The following DMBX1 variants were observed in gnomAD, a reference collection of about 807,000 sequenced individuals.
DMBX1 encodes the protein diencephalon/mesencephalon homeobox protein 1.
DMBX1 carries 7 observed loss-of-function variants against 30.4 expected under a neutral mutation model. The ratio of observed to expected loss-of-function variants is 0.23; its 90% CI spans 0.13 to 0.43. DMBX1 has a LOEUF of 0.43. Among genes scored for constraint, DMBX1 ranks in the 20% least tolerant of loss-of-function variants. The pLI is 1.00. For synonymous variants in DMBX1, 222 were observed against 214.2 expected (o/e 1.04, Z -0.32); for missense variants, 460 against 508.5 (o/e 0.90, Z 0.92).
At chr1:46,509,839 C>T (rs998788863) in intron 3 of DMBX1, among the ~76,000 whole-genome samples, 1 of 152,182 alleles carries the variant, frequency 6.6e-6, no homozygotes, top group Non-Finnish European at 1.5e-5. Context: ...ACCCCTTAGC[C>T]AGGCTCTCTG....
rs55929143 is a variant in DMBX1, at chr1:46,505,493, C to G, written c.-12-1506C>G. Among the ~76,000 whole-genome samples, 5 of 141,390 alleles carry G rather than the reference C, an allele frequency of 3.5e-5. No individual in the cohort carries two copies. In the South Asian group the frequency reaches 9.7e-4, roughly 27 times the overall value. The allele number at this position is 141,390 out of a possible 152,430, so 92.8% of individuals were successfully genotyped here. On this transcript the variant is annotated intron_variant, in intron 2 of 5. Transcript: ENST00000360032. ...GAAATCATCATTCTCAGTAAACTAT[C>G]GCAAGAACAAAAAACCAAACACCGC...
chr1:46,501,724 G>A (rs1270364713), intron 2 of DMBX1, among the ~76,000 whole-genome samples: 1 of 151,966 alleles, frequency 6.6e-6, no homozygotes, highest in African/African-American at 2.4e-5. Flanking sequence ...TTGCTATGTT[G>A]CCCAGGCTGA....
intron 2 of DMBX1, among the ~76,000 whole-genome samples, chr1:46,506,457 A>C (rs1666237446): frequency 6.6e-6 from 1 of 152,234 alleles, no homozygotes; most frequent in Non-Finnish European, 1.5e-5. Flanking sequence ...ATAAGTAATA[A>C]GTGTGTGAGT....
chr1:46,503,025 G>A (rs904207031), intron 2 of DMBX1, among the ~76,000 whole-genome samples: 2 of 152,322 alleles, frequency 1.3e-5, no homozygotes, highest in Admixed American at 6.5e-5. Flanking sequence ...GATTACAATG[G>A]GCCGTGGAGC....
In DMBX1 at chr1:46,491,468, C is replaced by T. The variant is rs1665927628; in HGVS notation, c.-13+685C>T. On this transcript the variant is annotated intron_variant, in intron 2 of 5. Coordinates refer to ENST00000360032, the MANE Select transcript of DMBX1 (RefSeq NM_172225.2). This position sits in a 1 kb window ranked among gnomAD's most constrained non-coding sequence, Gnocchi z 5.5. ...TGCGCCGATATTGGTTTACTAAGGG[C>T]GCCTCCAGTTTGAGGGCGTTGGGGA... Among the ~76,000 whole-genome samples, 1 of 152,172 alleles carries T rather than the reference C, an allele frequency of 6.6e-6. No individual in the cohort carries two copies. The highest frequency in any genetic ancestry group is 2.4e-5 in the African/African-American group (1 of 41,422).
chr1:46,511,879 G>T (rs1666379617), intron 5 of DMBX1, among the ~76,000 whole-genome samples, 164 bp from the exon 6 acceptor site: 1 of 152,192 alleles, frequency 6.6e-6, no homozygotes, highest in Non-Finnish European at 1.5e-5. Context: ...CTAGGATTCT[G>T]AGCCTTGCTT....
Position 46,507,167 on chromosome 1 carries a change from A to G in DMBX1, c.154+3A>G. ...TACATTGGCTGAGCGCCTGGCTGGT[A>G]AGGGCCCTGGGGATGGGACCATGGG... On this transcript the variant is annotated splice_donor_region_variant and intron_variant, in intron 3 of 5. Transcript: ENST00000360032. 6.2e-7 allele frequency: 1 copy of G among 1,614,020 alleles called. No homozygotes were observed.
At chr1:46,498,690 G>A (rs192422213) in intron 2 of DMBX1, among the ~76,000 whole-genome samples, 3 of 152,246 alleles carry the variant, frequency 2.0e-5, no homozygotes, top group South Asian at 2.1e-4. Context: ...CCAGATATAC[G>A]CATAAACAGA....
chr1:46,497,987 A>AGC (rs1666056047), intron 2 of DMBX1, among the ~76,000 whole-genome samples: 1 of 152,126 alleles, frequency 6.6e-6, no homozygotes, highest in African/African-American at 2.4e-5. Context: ...CAGTGGACTG[A>AGC]GCCCAGGCAG....
Position 46,514,133 on chromosome 1 carries a change from A to G in DMBX1, c.*1639A>G, listed in dbSNP as rs1260224596. The G allele has an allele frequency of 6.6e-6, 1 of 152,058 alleles. No individual in the cohort carries two copies. Among genetic ancestry groups the G allele is most frequent in the Non-Finnish European group, 1.5e-5 (1 of 68,048 alleles). 9.4% of individuals were successfully genotyped at this position (152,058 alleles called of 1,614,324 possible). A position where few individuals can be genotyped will look rare whatever the true frequency, so the allele number is the denominator to read the frequency against. Reference sequence around the variant, plus strand: ...GAGGCTGAGTTGGGAGGATTGCTGCAATCTGGGAGGTGGAAGTTGCAGTGA... The same window carrying G: ...GAGGCTGAGTTGGGAGGATTGCTGCGATCTGGGAGGTGGAAGTTGCAGTGA... On this transcript the variant is annotated 3_prime_UTR_variant, in exon 6 of 6. Transcript: ENST00000360032.
intron 2 of DMBX1, 110 bp from the exon 3 acceptor site, chr1:46,506,889 T>A: frequency 7.9e-7 from 1 of 1,271,272 alleles, no homozygotes; most frequent in Non-Finnish European, 1.1e-6. Flanking sequence ...TGGAGGGAGC[T>A]TCTGACCCAT....
chr1:46,510,968 A>C lies in DMBX1; in HGVS notation c.367A>C (p.Lys123Gln). 1 of 1,610,232 alleles carries C rather than the reference A, an allele frequency of 6.2e-7. No individual in the cohort carries two copies. The highest frequency in any genetic ancestry group is 8.5e-7 in the Non-Finnish European group (1 of 1,177,716). The change falls in exon 5 of 6, where the codon AAG (lysine) becomes CAG (glutamine). Residue 123 changes from lysine to glutamine, a missense_variant. Around this residue, in one of 3 missense-constraint regions of DMBX1, gnomAD observed 334 missense variants for 345.1 expected, o/e 0.97. Transcript: ENST00000360032. This position sits in a 1 kb window ranked among gnomAD's most constrained non-coding sequence, Gnocchi z 4.1. ...WFKNRRAKFR[K>Q]KQRSLQKEQL... ...CAAGAACCGCCGGGCCAAGTTCCGG[A>C]AGAAGCAGCGTAGCCTGCAGAAGGA... is the stretch of plus-strand genomic sequence containing the variant.
intron 2 of DMBX1, among the ~76,000 whole-genome samples, chr1:46,502,828 C>G (rs1319150073): frequency 6.6e-6 from 1 of 152,130 alleles, no homozygotes; most frequent in Non-Finnish European, 1.5e-5. Flanking sequence ...TACGGTGAGT[C>G]AAGATTGCAC....
At chr1:46,505,124 A>T (rs1666206789) in intron 2 of DMBX1, among the ~76,000 whole-genome samples, 2 of 144,020 alleles carry the variant, frequency 1.4e-5, no homozygotes, top group African/African-American at 2.6e-5. Context: ...GGATGTGGAG[A>T]AATAGGAACA....
At chr1:46,506,879 T>C (rs1666245340) in intron 2 of DMBX1, 120 bp from the exon 3 acceptor site, 1 of 1,106,678 alleles carries the variant, frequency 9.0e-7, no homozygotes, top group Non-Finnish European at 1.3e-6. Context: ...TCCCTTCCGA[T>C]GGAGGGAGCT....
chr1:46,510,670 C>T lies in DMBX1; in HGVS notation c.333+16C>T, dbSNP rs760827088. On this transcript the variant is annotated intron_variant, in intron 4 of 5. Coordinates refer to ENST00000360032, the MANE Select transcript of DMBX1 (RefSeq NM_172225.2). This position sits in a 1 kb window ranked among gnomAD's most constrained non-coding sequence, Gnocchi z 4.1. ...CCGGGTGCAGGTAGGGCCCAACTCTCCTAACTAGGCCTTGCAGACAAACAC... is the reference window on the plus strand; with the variant it reads ...CCGGGTGCAGGTAGGGCCCAACTCTTCTAACTAGGCCTTGCAGACAAACAC... 6.2e-7 allele frequency: 1 copy of T among 1,607,394 alleles called. No homozygotes were observed. Among genetic ancestry groups the T allele is most frequent in the Non-Finnish European group, 8.5e-7 (1 of 1,176,412 alleles).
intron 2 of DMBX1, among the ~76,000 whole-genome samples, chr1:46,504,975 T>C (rs1666204048): frequency 6.6e-6 from 1 of 152,116 alleles, no homozygotes; most frequent in South Asian, 2.1e-4. Flanking sequence ...AAGACATTTA[T>C]GCAGCCAAAA....
At chr1:46,499,721 G>A (rs537490196) in intron 2 of DMBX1, among the ~76,000 whole-genome samples, 3 of 152,302 alleles carry the variant, frequency 2.0e-5, no homozygotes, top group East Asian at 3.9e-4. Flanking sequence ...GGCTGGGGGC[G>A]GGGTGGGTGT....
intron 2 of DMBX1, among the ~76,000 whole-genome samples, chr1:46,502,932 T>C (rs1369763137): frequency 6.6e-6 from 1 of 152,206 alleles, no homozygotes; most frequent in African/African-American, 2.4e-5. Context: ...ATTATGTTAC[T>C]TCCCTCAAGA....
Sources: allele counts gnomAD v4.1 joint callset (sites outside exome capture counted in the v4.1 genomes callset), GRCh38; gene constraint gnomAD v4.1.1; regional missense constraint gnomAD v4.1.1; non-coding constraint Gnocchi (gnomAD v3.1); transcripts MANE v1.5; gene names NCBI Gene and HGNC (gene_info 2026-07-23, HGNC 2026-07-21).